KCNH1: variants seen among roughly 807,000 people sequenced by gnomAD.
KCNH1 encodes potassium voltage-gated channel subfamily H member 1, also known as voltage-gated delayed rectifier potassium channel KCNH1.
In KCNH1, 27 loss-of-function variants were observed where a neutral mutation model predicts 69.2. The ratio of observed to expected loss-of-function variants is 0.39; its 90% CI spans 0.29 to 0.54. The LOEUF (loss-of-function observed/expected upper bound fraction) is 0.54, where lower values mean the gene tolerates loss of function less well. KCNH1 is among the 20% of genes least tolerant of loss of function. The pLI is 0.68. For synonymous variants in KCNH1, 456 were observed against 487.7 expected (o/e 0.93, Z 0.86); for missense variants, 798 against 1,261.6 (o/e 0.63, Z 5.57).
intron 9 of KCNH1, among the ~76,000 whole-genome samples, chr1:210,779,611 T>A (rs1683935954): frequency 6.6e-6 from 1 of 152,154 alleles, no homozygotes; most frequent in Non-Finnish European, 1.5e-5. Context: ...ATCAAACTAC[T>A]GGAGGCAATC....
At position 210,824,661 on chromosome 1, in the gene KCNH1, G is replaced by A. The variant is rs539667258; in HGVS notation, c.1463-20495C>T. Among the ~76,000 whole-genome samples, 396 of 152,282 alleles carry A rather than the reference G, an allele frequency of 2.6e-3. 1 individual carries two copies. The highest frequency in any genetic ancestry group is 4.4e-3 in the Non-Finnish European group (302 of 68,010). ...TACACAGACATGTAGTTGGAAAAGGGAGGAGCATTTTAATAGCCTTTTCAG... is the reference window on the plus strand; with the variant it reads ...TACACAGACATGTAGTTGGAAAAGGAAGGAGCATTTTAATAGCCTTTTCAG... On this transcript the variant is annotated intron_variant, in intron 7 of 10. Coordinates refer to ENST00000271751, the MANE Select transcript of KCNH1 (RefSeq NM_172362.3).
rs544372027 is a variant in KCNH1, at chr1:210,860,948, T to C, written c.1463-56782A>G. The C allele has an allele frequency of 7.1e-5, 68 of 964,460 alleles. No individual in the cohort carries two copies. The East Asian group carries it at 1.6e-3, about 22-fold the overall frequency. 59.7% of individuals were successfully genotyped at this position (964,460 alleles called of 1,614,324 possible). Reference sequence around the variant, plus strand: ...ATCTGATCATTACAGATCTTTTTCTTCAGAAGTGTTTCAGCTAAAGAGCCA... The same window carrying C: ...ATCTGATCATTACAGATCTTTTTCTCCAGAAGTGTTTCAGCTAAAGAGCCA... On this transcript the variant is annotated intron_variant, in intron 7 of 10. Coordinates refer to ENST00000271751, the MANE Select transcript of KCNH1 (RefSeq NM_172362.3).
chr1:210,852,157 G>A (rs1685720334), intron 7 of KCNH1, among the ~76,000 whole-genome samples: 1 of 152,246 alleles, frequency 6.6e-6, no homozygotes, highest in Admixed American at 6.5e-5. Context: ...TCTAAGGGGA[G>A]TATGTGTGAG....
chr1:210,922,707 G>A (rs1365264267), intron 6 of KCNH1, among the ~76,000 whole-genome samples: 4 of 152,162 alleles, frequency 2.6e-5, no homozygotes, highest in African/African-American at 9.7e-5. Flanking sequence ...ACTAATGAGG[G>A]TAAATGGATA....
intron 7 of KCNH1, chr1:210,860,815 T>C: frequency 1.1e-6 from 1 of 891,518 alleles, no homozygotes; most frequent in East Asian, 2.4e-5. Context: ...CTGATCACTT[T>C]TGAACTTTAC....
chr1:210,830,850 A>G (rs1685144782), intron 7 of KCNH1, among the ~76,000 whole-genome samples: 1 of 152,164 alleles, frequency 6.6e-6, no homozygotes, highest in Non-Finnish European at 1.5e-5. Flanking sequence ...TGAGAGTGCC[A>G]TTTAAAAACT....
intron 6 of KCNH1, among the ~76,000 whole-genome samples, chr1:210,971,823 T>C (rs1319397710): frequency 6.6e-6 from 1 of 152,166 alleles, no homozygotes; most frequent in Non-Finnish European, 1.5e-5. Flanking sequence ...TTTATGTATA[T>C]ATACTTCATA....
chr1:211,056,085 T>C (rs1690298449), intron 5 of KCNH1, among the ~76,000 whole-genome samples: 1 of 152,134 alleles, frequency 6.6e-6, no homozygotes, highest in African/African-American at 2.4e-5. Context: ...ACCAGCTCAG[T>C]CACAGTAGGG....
chr1:210,957,240 A>T (rs1410617446), intron 6 of KCNH1, among the ~76,000 whole-genome samples: 1 of 152,130 alleles, frequency 6.6e-6, no homozygotes, highest in African/African-American at 2.4e-5. Context: ...GAGTTTCTTA[A>T]TCCTAAGTTC....
intron 5 of KCNH1, among the ~76,000 whole-genome samples, chr1:211,046,938 G>A (rs917095206): frequency 6.6e-5 from 10 of 152,066 alleles, no homozygotes; most frequent in Non-Finnish European, 1.2e-4. Flanking sequence ...AGCCACAAAT[G>A]TGAGTCTTAT....
At chr1:211,119,314 C>A (rs1019177242) in intron 1 of KCNH1, among the ~76,000 whole-genome samples, 1 of 151,982 alleles carries the variant, frequency 6.6e-6, no homozygotes, top group East Asian at 1.9e-4. Context: ...GAGCCAAGAT[C>A]GTGCCACCAC....
At chr1:210,917,207 CAGAGAG>C (rs140438633) in intron 7 of KCNH1, among the ~76,000 whole-genome samples, 2,157 of 108,706 alleles carry the variant, frequency 0.02, 67 homozygotes, top group East Asian at 0.075. Context: ...AAGAAAGGGA[CAGAGAG>C]AGAGAGAGAG....
chr1:211,002,300 GTATACATGTATACGTGT>G (rs1689199981), intron 6 of KCNH1, among the ~76,000 whole-genome samples: 1 of 144,960 alleles, frequency 6.9e-6, no homozygotes, highest in Non-Finnish European at 1.5e-5. Flanking sequence ...ATGTATATAT[GTATACATGTATACGTGT>G]ATATATATAT....
chr1:210,926,336 G>A (rs1687573850), intron 6 of KCNH1, among the ~76,000 whole-genome samples: 1 of 152,016 alleles, frequency 6.6e-6, no homozygotes, highest in African/African-American at 2.4e-5. Flanking sequence ...ACCTCCACTG[G>A]AGCAGGCACT....
At chr1:210,946,867 T>C (rs1687967801) in intron 6 of KCNH1, among the ~76,000 whole-genome samples, 1 of 152,168 alleles carries the variant, frequency 6.6e-6, no homozygotes, top group Non-Finnish European at 1.5e-5. Context: ...GCTTTTCACC[T>C]AGCCAAGTCC....
intron 6 of KCNH1, among the ~76,000 whole-genome samples, chr1:210,922,117 C>T (rs576590774): frequency 6.6e-6 from 1 of 151,596 alleles, no homozygotes; most frequent in Non-Finnish European, 1.5e-5. Context: ...CGCGGTGGCT[C>T]ATGCCTGTAA....
intron 7 of KCNH1, among the ~76,000 whole-genome samples, chr1:210,824,269 T>A (rs925743974): frequency 6.6e-6 from 1 of 150,892 alleles, no homozygotes; most frequent in African/African-American, 2.4e-5. Context: ...TCAATAGATA[T>A]AATCTTATGT....
intron 7 of KCNH1, among the ~76,000 whole-genome samples, chr1:210,879,101 G>C (rs1184931961): frequency 6.6e-6 from 1 of 152,042 alleles, no homozygotes; most frequent in Non-Finnish European, 1.5e-5. Flanking sequence ...TGGTCTGTAT[G>C]TATTCAAAAA....
Position 210,684,915 on chromosome 1 carries a change from C to T in KCNH1, c.2113-777G>A, listed in dbSNP as rs1049660245. 2.6e-5 allele frequency among the ~76,000 whole-genome samples: 4 copies of T among 152,342 alleles called. No homozygotes were observed. The East Asian group carries it at 7.7e-4, about 29-fold the overall frequency. On this transcript the variant is annotated intron_variant, in intron 10 of 10. Coordinates refer to ENST00000271751, the MANE Select transcript of KCNH1 (RefSeq NM_172362.3). ...TCACTGGAACAACTGTTATTATCCC[C>T]ATTTCAGAGATAAGGTAAACCACAG...
Sources: gnomAD v4.1 joint callset for allele counts (sites outside exome capture counted in the v4.1 genomes callset) on GRCh38, gnomAD v4.1.1 for gene constraint, MANE v1.5 for transcripts, NCBI Gene and HGNC (gene_info 2026-07-23, HGNC 2026-07-21) for gene names.